PLEKHA6: variants seen among roughly 807,000 people sequenced by gnomAD.
PLEKHA6 encodes pleckstrin homology domain-containing family A member 6.
PLEKHA6 carries 60 observed loss-of-function variants against 116.7 expected under a neutral mutation model. The ratio of observed to expected loss-of-function variants is 0.51; its 90% confidence interval spans 0.42 to 0.64. PLEKHA6 has a LOEUF of 0.64. PLEKHA6 is among the 30% of genes least tolerant of loss of function. The pLI is 0.00. For missense variants in PLEKHA6, 1,338 were observed against 1,422.7 expected, an observed-to-expected ratio of 0.94 and a Z score of 0.96; for synonymous variants, 489 against 556.1, an observed-to-expected ratio of 0.88 and a Z score of 1.70.
At chr1:204,349,540 CAAAAAA>C (rs11403796) in intron 1 of PLEKHA6, among the ~76,000 whole-genome samples, 2 of 115,188 alleles carry the variant, frequency 1.7e-5, no homozygotes, top group African/African-American at 3.2e-5. Flanking sequence ...GACTCCATCT[CAAAAAA>C]AAAAAAAAAA....
chr1:204,280,462 G>A (rs1668482500), intron 1 of PLEKHA6: 1 of 984,942 alleles, frequency 1.0e-6, no homozygotes, highest in Non-Finnish European at 1.2e-6. Flanking sequence ...TTGATTATCT[G>A]CTGTACACCA....
At chr1:204,265,111 G>A (rs1009639639) in intron 5 of PLEKHA6, 69 bp from the exon 6 acceptor site, 1 of 1,062,746 alleles carries the variant, frequency 9.4e-7, no homozygotes, top group Admixed American at 1.7e-5. Context: ...GCCAGGGGTG[G>A]GGAGGAGTGT....
At chr1:204,363,450 G>A (rs1673597018), upstream of PLEKHA6, among the ~76,000 whole-genome samples, 1 of 152,190 alleles carries the variant, frequency 6.6e-6, no homozygotes, top group Non-Finnish European at 1.5e-5. Context: ...CCTCGGTGGA[G>A]GAGCCGCAGG....
At chr1:204,351,917 T>C (rs966445454) in intron 1 of PLEKHA6, among the ~76,000 whole-genome samples, 8 of 152,150 alleles carry the variant, frequency 5.3e-5, no homozygotes, top group African/African-American at 1.9e-4. Context: ...CTACTAAAAA[T>C]ACAAAAATTA....
rs758241116 is a variant in PLEKHA6, at chr1:204,257,754, A to G, written c.1123T>C (p.Cys375Arg). The change falls in exon 9 of 23, where the codon TGT (cysteine) becomes CGT (arginine). Residue 375 changes from cysteine (C) to arginine (R), a missense_variant. Cys to Arg is a radical substitution (Grantham distance 180, BLOSUM62 -3). Transcript: ENST00000272203. This position sits in a 1 kb window ranked among gnomAD's most constrained non-coding sequence, Gnocchi z 6.5. The stretch of plus-strand genomic sequence containing the variant: ...ATCCGATCATAGGCCGGCATGGAAC[A>G]GATGCTCTCCGGCCGCACTCCTGGC... ...YPPGVRPESI[C>R]SMPAYDRISP... The G allele has an allele frequency of 2.5e-6, 4 of 1,613,832 alleles. No individual in the cohort carries two copies. In the Admixed American group the frequency reaches 6.7e-5, roughly 27 times the overall value.
At chr1:204,326,463 T>C (rs1672247956) in intron 1 of PLEKHA6, among the ~76,000 whole-genome samples, 1 of 152,194 alleles carries the variant, frequency 6.6e-6, no homozygotes, top group Non-Finnish European at 1.5e-5. Flanking sequence ...TTCCCAGCTC[T>C]CATTCTAACA....
intron 1 of PLEKHA6, among the ~76,000 whole-genome samples, chr1:204,345,817 C>T (rs1235877259): frequency 1.3e-5 from 2 of 152,186 alleles, no homozygotes; most frequent in Admixed American, 1.3e-4. Flanking sequence ...TGCTGAGTCA[C>T]TTGACCTTAA....
intron 1 of PLEKHA6, among the ~76,000 whole-genome samples, chr1:204,351,479 C>T (rs1673279687): frequency 6.6e-6 from 1 of 152,220 alleles, no homozygotes; most frequent in African/African-American, 2.4e-5. Flanking sequence ...CCTTCCTGAG[C>T]ATATCCAGGA....
intron 9 of PLEKHA6, chr1:204,251,636 A>G (rs746418955): frequency 1.1e-5 from 8 of 701,742 alleles, no homozygotes; most frequent in Non-Finnish European, 2.1e-5. Context: ...GGAACGGACT[A>G]TTCACACTCC....
At chr1:204,368,398 G>C (rs944094333) in intron 2 of PLEKHA6, 1 of 152,112 alleles carries the variant, frequency 6.6e-6, no homozygotes, top group African/African-American at 2.4e-5. Flanking sequence ...CAAGGACCTA[G>C]GAAATCAGCC....
intron 8 of PLEKHA6, among the ~76,000 whole-genome samples, chr1:204,258,869 A>G (rs1222125743): frequency 6.6e-6 from 1 of 152,210 alleles, no homozygotes; most frequent in Non-Finnish European, 1.5e-5. Context: ...GTGAGTCTCA[A>G]GTGGGTGGAG....
intron 1 of PLEKHA6, among the ~76,000 whole-genome samples, chr1:204,287,709 C>T (rs1005910221): frequency 6.6e-6 from 1 of 152,160 alleles, no homozygotes; most frequent in Non-Finnish European, 1.5e-5. Flanking sequence ...GTGGCCCCAT[C>T]CAGGAAATCG....
chr1:204,320,443 G>T, intron 1 of PLEKHA6: 2 of 962,140 alleles, frequency 2.1e-6, no homozygotes, highest in Non-Finnish European at 2.5e-6. Context: ...GGAGACTGTG[G>T]GTGGGAAGGA....
At chr1:204,320,587 C>A in intron 1 of PLEKHA6, 1 of 605,910 alleles carries the variant, frequency 1.7e-6, no homozygotes, top group Non-Finnish European at 2.1e-6. Context: ...GGGAAACTTT[C>A]GGTCAGCCCT....
At chr1:204,339,394 C>A (rs528690009) in intron 1 of PLEKHA6, among the ~76,000 whole-genome samples, 1 of 152,328 alleles carries the variant, frequency 6.6e-6, no homozygotes, top group Non-Finnish European at 1.5e-5. Flanking sequence ...CAATACATAA[C>A]CGGAACACTA....
chr1:204,229,170 C>T lies in PLEKHA6; in HGVS notation c.2584-66G>A, dbSNP rs1022436631. 19 of 1,502,668 alleles carry T rather than the reference C, an allele frequency of 1.3e-5. No individual in the cohort carries two copies. In the Admixed American group the frequency reaches 2.4e-4, roughly 19 times the overall value. The allele number at this position is 1,502,668 out of a possible 1,614,324, so 93.1% of individuals were successfully genotyped here. A position where few individuals can be genotyped will look rare whatever the true frequency, so the allele number is the denominator to read the frequency against. ...TGCCTCCAGGCAGCTCTAGCTATGCCCTGTCCTCGCTTTCCCTTCCCAGCT... is the reference window on the plus strand; with the variant it reads ...TGCCTCCAGGCAGCTCTAGCTATGCTCTGTCCTCGCTTTCCCTTCCCAGCT... On this transcript the variant is annotated intron_variant, in intron 18 of 22. Transcript: ENST00000272203.
chr1:204,310,804 G>C (rs1483834301), intron 1 of PLEKHA6, among the ~76,000 whole-genome samples: 1 of 152,186 alleles, frequency 6.6e-6, no homozygotes, highest in Non-Finnish European at 1.5e-5. Flanking sequence ...ATGCAGCAGG[G>C]AGAGTACACA....
chr1:204,329,999 G>C (rs1436163964), intron 1 of PLEKHA6, among the ~76,000 whole-genome samples: 1 of 151,986 alleles, frequency 6.6e-6, no homozygotes, highest in Non-Finnish European at 1.5e-5. Flanking sequence ...ACAGTGAATG[G>C]ACCTGATTTG....
In PLEKHA6 at chr1:204,250,546, A is replaced by C; in HGVS notation, c.1593T>G (p.Asp531Glu). 3 of 1,610,932 alleles carry C rather than the reference A, an allele frequency of 1.9e-6. No homozygotes were observed. The highest frequency in any genetic ancestry group is 2.5e-6 in the Non-Finnish European group (3 of 1,177,758). Residue 531 changes from aspartate (D) to glutamate (E), a missense_variant and splice_region_variant, in exon 10 of 23, where the codon GAT (aspartate) becomes GAG (glutamate). Transcript: ENST00000272203. ...AGGGAGCAGGGGGCGCTGCTCTTAC[A>C]TCTGTGTCTTGCTCGTTTAACTTGT... ...HTYKLNEQDT[D>E]KLLGKLCEQN...
Sources: gnomAD v4.1 joint callset for allele counts (sites outside exome capture counted in the v4.1 genomes callset) on GRCh38, gnomAD v4.1.1 for gene constraint, Gnocchi (gnomAD v3.1) non-coding constraint, MANE v1.5 for transcripts, NCBI Gene and HGNC (gene_info 2026-07-23, HGNC 2026-07-21) for gene names.